The following ERCC6 variants were observed in gnomAD, a reference collection of about 807,000 sequenced individuals.
The protein encoded by ERCC6 is DNA excision repair protein ERCC-6.
In ERCC6, 116 loss-of-function variants were observed where a neutral mutation model predicts 158.7. That is an observed-to-expected ratio of 0.73 (90% CI 0.63 to 0.85). The LOEUF (loss-of-function observed/expected upper bound fraction) is 0.85. Among genes scored for constraint, ERCC6 ranks in the 40% least tolerant of loss-of-function variants. The probability of loss-of-function intolerance (pLI) is 0.00; values close to 1 mark genes in which losing one functional copy is unlikely to be tolerated. For missense variants in ERCC6, 1,698 were observed against 1,799.4 expected, an observed-to-expected ratio of 0.94 and a Z score of 1.02; for synonymous variants, 678 against 659.3, an observed-to-expected ratio of 1.03 and a Z score of -0.43.
intron 5 of ERCC6, among the ~76,000 whole-genome samples, chr10:49,514,021 A>G (rs1836880836): frequency 6.6e-6 from 1 of 152,188 alleles, no homozygotes. Context: ...CAAACTCCCT[A>G]GTACCACCCC....
At chr10:49,508,597 T>C (rs559821131) in intron 5 of ERCC6, among the ~76,000 whole-genome samples, 10 of 152,316 alleles carry the variant, frequency 6.6e-5, no homozygotes, top group East Asian at 1.9e-4. Context: ...CTGCAAGTAT[T>C]TGTATCATTG....
Position 49,470,490 on chromosome 10 carries a change from C to G in ERCC6, c.3470G>C (p.Arg1157Thr). 1 of 1,614,122 alleles carries G rather than the reference C, an allele frequency of 6.2e-7. No individual in the cohort carries two copies. Residue 1157 changes from arginine to threonine, a missense_variant, in exon 18 of 21, where the codon AGA becomes ACA. Transcript: ENST00000355832. ...IDEKLGLSYKRERPSQAQTEA... is the reference protein window; with the variant it reads ...IDEKLGLSYKTERPSQAQTEA... ...TGTTTGAGCCTGGCTGGGTCTTTCT[C>G]TTTTGTAAGAAAGACCTAACTTTTC...
chr10:49,448,556 T>A, the ERCC6 span, among the ~76,000 whole-genome samples: 1 of 152,214 alleles, frequency 6.6e-6, no homozygotes, highest in Non-Finnish European at 1.5e-5. Context: ...ATTTTACATT[T>A]TCATCATCTG....
chr10:49,463,857 C>A (rs1251240914), intron 18 of ERCC6, among the ~76,000 whole-genome samples: 2 of 152,214 alleles, frequency 1.3e-5, no homozygotes, highest in African/African-American at 4.8e-5. Flanking sequence ...GAGGCCTCCA[C>A]AGCCACACAG....
At chr10:49,537,307 C>CACT in intron 1 of ERCC6, among the ~76,000 whole-genome samples, 1 of 144,728 alleles carries the variant, frequency 6.9e-6, no homozygotes, top group South Asian at 2.2e-4. Context: ...CGCACCACTG[C>CACT]ACTCCAGCCT....
Position 49,476,249 on chromosome 10 carries a change from T to C in ERCC6, c.2348A>G (p.Lys783Arg). 3 of 1,613,978 alleles carry C rather than the reference T, an allele frequency of 1.9e-6. No homozygotes were observed. Among genetic ancestry groups the C allele is most frequent in the Non-Finnish European group, 2.5e-6 (3 of 1,179,904 alleles). Residue 783 changes from lysine (K) to arginine (R), a missense_variant, in exon 12 of 21, where the codon AAA (lysine) becomes AGA (arginine). Transcript: ENST00000355832. ...TCCATTGAGAATCCTGTAAACTTCT[T>C]TGGAATCAACGAAATTTTGGTAGAC... ...HKVYQNFVDS[K>R]EVYRILNGEM...
At position 49,532,669 on chromosome 10, in the gene ERCC6, A is replaced by G. The variant is rs1271731250; in HGVS notation, c.296T>C (p.Val99Ala). 2 of 1,614,130 alleles carry G rather than the reference A, an allele frequency of 1.2e-6. No individual in the cohort carries two copies. Among genetic ancestry groups the G allele is most frequent in the Admixed American group, 1.7e-5 (1 of 60,024 alleles). The change falls in exon 2 of 21, where the codon GTC (valine) becomes GCC (alanine). Residue 99 changes from valine to alanine, a missense_variant. By Grantham distance (64) the Val-to-Ala change is moderately conservative. Transcript: ENST00000355832. ...ALELQGLGVD[V>A]YDQDVLEQGV... ...CTGTTCCAGCACGTCCTGGTCATAG[A>G]CGTCCACACCCAAACCCTGCAGCTC...
At position 49,476,282 on chromosome 10, in the gene ERCC6, T is replaced by G; in HGVS notation, c.2315A>C (p.Gln772Pro). The G allele has an allele frequency of 6.2e-7, 1 of 1,613,798 alleles. No individual in the cohort carries two copies. The part of the protein sequence containing the change: ...QVLFCRLTDE[Q>P]HKVYQNFVDS... ...AACGAAATTTTGGTAGACTTTATGC[T>G]GCTCATCTGTAAGACGGCAAAATAA... The change falls in exon 12 of 21, where the codon CAG (glutamine) becomes CCG (proline). Residue 772 changes from glutamine (Q) to proline (P), a missense_variant. Gln to Pro is a moderately conservative substitution (Grantham distance 76). Coordinates refer to ENST00000355832, the MANE Select transcript of ERCC6 (RefSeq NM_000124.4).
At chr10:49,486,476 CA>C (rs1301588317) in intron 8 of ERCC6, among the ~76,000 whole-genome samples, 2 of 151,796 alleles carry the variant, frequency 1.3e-5, no homozygotes, top group Admixed American at 1.3e-4. Flanking sequence ...ATTGATAAAG[CA>C]AAATAATAAT....
At chr10:49,444,195 C>T in the ERCC6 span, among the ~76,000 whole-genome samples, 1 of 152,288 alleles carries the variant, frequency 6.6e-6, no homozygotes, top group Non-Finnish European at 1.5e-5. Flanking sequence ...GACACTTCGA[C>T]AAAGAGGCCT....
At chr10:49,445,111 TAAATGTAGA>T in the ERCC6 span, among the ~76,000 whole-genome samples, 5 of 152,244 alleles carry the variant, frequency 3.3e-5, no homozygotes, top group African/African-American at 1.2e-4. Context: ...GTCATTTCAG[TAAATGTAGA>T]AAATGCAACT....
downstream of ERCC6, among the ~76,000 whole-genome samples, chr10:49,451,182 T>TG (rs1554872634): frequency 3.3e-5 from 5 of 151,236 alleles, no homozygotes; most frequent in South Asian, 1.1e-3. Context: ...CAATAGTTTT[T>TG]TTTTTTTTTT....
chr10:49,523,203 C>A (rs576028491), intron 5 of ERCC6, among the ~76,000 whole-genome samples: 319 of 152,298 alleles, frequency 2.1e-3, no homozygotes, highest in African/African-American at 7.4e-3. Flanking sequence ...TTCCCTTTGA[C>A]TTCCTTAGAG....
chr10:49,475,462 T>G (rs1850860533), intron 12 of ERCC6: 1 of 444,618 alleles, frequency 2.2e-6, no homozygotes, highest in Non-Finnish European at 4.5e-6. Flanking sequence ...GGGAGATTCA[T>G]GGAGATGAAT....
At chr10:49,438,616 C>A in the ERCC6 span, among the ~76,000 whole-genome samples, 2 of 152,078 alleles carry the variant, frequency 1.3e-5, no homozygotes, top group Non-Finnish European at 2.9e-5. Context: ...ATTTGAAAAC[C>A]AATCATGCCT....
chr10:49,536,360 G>A lies in ERCC6; in HGVS notation c.-15+2602C>T, dbSNP rs577706147. Among the ~76,000 whole-genome samples, 4 of 152,258 alleles carry A rather than the reference G, an allele frequency of 2.6e-5. No homozygotes were observed. In the East Asian group the frequency reaches 7.7e-4, roughly 29 times the overall value. On this transcript the variant is annotated intron_variant, in intron 1 of 20. Coordinates refer to ENST00000355832, the MANE Select transcript of ERCC6 (RefSeq NM_000124.4). ...CACGTAATGGCTGGAGGGAGACAGA[G>A]GAGATAACCCAGAAAGGTGTACCAA...
chr10:49,526,787 T>C (rs779471677), intron 4 of ERCC6, among the ~76,000 whole-genome samples: 2 of 152,196 alleles, frequency 1.3e-5, no homozygotes, highest in Non-Finnish European at 2.9e-5. Context: ...TTTCAGTTCA[T>C]GTCTTCAAGT....
intron 8 of ERCC6, among the ~76,000 whole-genome samples, chr10:49,487,546 G>C (rs547072937): frequency 6.6e-6 from 1 of 151,818 alleles, no homozygotes; most frequent in Non-Finnish European, 1.5e-5. Context: ...GAAGAAAGCA[G>C]TCTGCCCAGA....
intron 20 of ERCC6, 104 bp downstream of exon 20, chr10:49,460,267 TAC>T: frequency 2.5e-6 from 2 of 795,470 alleles, no homozygotes; most frequent in Non-Finnish European, 4.5e-6. Flanking sequence ...CAGGTGTCAT[TAC>T]ACCAGAGATG....
Sources: gnomAD v4.1 joint callset for allele counts (sites outside exome capture counted in the v4.1 genomes callset) on GRCh38, gnomAD v4.1.1 for gene constraint, MANE v1.5 for transcripts, NCBI Gene and HGNC (gene_info 2026-07-23, HGNC 2026-07-21) for gene names.